TFDP2: variants seen among roughly 807,000 people sequenced by gnomAD.
TFDP2 encodes the protein transcription factor Dp-2.
In TFDP2, 17 loss-of-function variants were observed where a neutral mutation model predicts 59.3. The ratio of observed to expected loss-of-function variants is 0.29; its 90% CI spans 0.20 to 0.43. TFDP2 has a LOEUF of 0.43. Ranked by LOEUF, TFDP2 falls within the 20% of genes least tolerant of loss-of-function variation. The pLI, the probability that TFDP2 is intolerant of heterozygous loss-of-function variation, is 1.00. For missense variants in TFDP2, 391 were observed against 528.8 expected, an observed-to-expected ratio of 0.74 and a Z score of 2.56; for synonymous variants, 180 against 194.7, an observed-to-expected ratio of 0.92 and a Z score of 0.63.
intron 3 of TFDP2, among the ~76,000 whole-genome samples, chr3:142,082,238 G>A (rs781050665): frequency 1.8e-4 from 27 of 152,076 alleles, no homozygotes; most frequent in South Asian, 1.2e-3. Context: ...ACTGACTCCC[G>A]TCACCCCAAG....
chr3:142,057,048 T>C (rs1200640517), intron 3 of TFDP2, among the ~76,000 whole-genome samples: 4 of 152,222 alleles, frequency 2.6e-5, no homozygotes, highest in Admixed American at 1.3e-4. Context: ...CTGTGTTTCT[T>C]ATGAACAGGC....
chr3:141,986,319 A>T (rs1305325177), intron 6 of TFDP2, among the ~76,000 whole-genome samples: 1 of 152,232 alleles, frequency 6.6e-6, no homozygotes, highest in African/African-American at 2.4e-5. Flanking sequence ...AAAGTACGCA[A>T]ACCAACTGTG....
intron 1 of TFDP2, among the ~76,000 whole-genome samples, chr3:142,122,164 C>T (rs546666624): frequency 6.6e-6 from 1 of 152,162 alleles, no homozygotes; most frequent in Non-Finnish European, 1.5e-5. Context: ...ACCAGAGTAT[C>T]TTAAACTCAA....
chr3:142,142,235 G>A (rs978108326), intron 1 of TFDP2, among the ~76,000 whole-genome samples: 9 of 152,100 alleles, frequency 5.9e-5, no homozygotes, highest in Admixed American at 3.3e-4. Context: ...ATTAATAGAA[G>A]TGATAAACAA....
At chr3:142,112,506 A>G (rs2061696185) in intron 1 of TFDP2, among the ~76,000 whole-genome samples, 1 of 152,226 alleles carries the variant, frequency 6.6e-6, no homozygotes, top group Admixed American at 6.5e-5. Flanking sequence ...GCTAGGAGCC[A>G]ATTATACTTA....
chr3:142,081,575 C>G lies in TFDP2; in HGVS notation c.82+11486G>C, dbSNP rs114012385. ...TGGTTTTCTGAAAAGATAATATTGA[C>G]AAACCTTTAGTCAGACTAAGAAAAA... On this transcript the variant is annotated intron_variant, in intron 3 of 12. Coordinates refer to ENST00000489671, the MANE Select transcript of TFDP2 (RefSeq NM_001178139.2). Among the ~76,000 whole-genome samples, 579 of 152,058 alleles carry G rather than the reference C, an allele frequency of 3.8e-3. 3 individuals are homozygous for G. Among genetic ancestry groups the G allele is most frequent in the African/African-American group, 0.013 (547 of 41,514 alleles).
intron 1 of TFDP2, among the ~76,000 whole-genome samples, chr3:142,137,316 A>G (rs6798162): frequency 0.5 from 75,769 of 152,000 alleles, 21,001 homozygotes; most frequent in African/African-American, 0.75. Context: ...GTACAATCAT[A>G]TCATCTGCAA....
At chr3:141,990,972 C>CT (rs1221229329) in intron 6 of TFDP2, among the ~76,000 whole-genome samples, 3 of 152,122 alleles carry the variant, frequency 2.0e-5, no homozygotes, top group African/African-American at 7.2e-5. Flanking sequence ...GCAGGAGAAT[C>CT]ACTTGAGCCC....
intron 3 of TFDP2, among the ~76,000 whole-genome samples, chr3:142,045,912 T>G (rs1947327131): frequency 6.6e-6 from 1 of 152,132 alleles, no homozygotes; most frequent in Admixed American, 6.5e-5. Context: ...CGTGAGCCAC[T>G]GTGCCTGGCC....
chr3:141,997,379 A>G (rs2108213539), intron 4 of TFDP2, among the ~76,000 whole-genome samples: 1 of 152,338 alleles, frequency 6.6e-6, no homozygotes, highest in African/African-American at 2.4e-5. Context: ...CTTATAAAGA[A>G]AAATGTGAGT....
chr3:142,142,377 A>G (rs1434453237), intron 1 of TFDP2, among the ~76,000 whole-genome samples: 1 of 152,252 alleles, frequency 6.6e-6, no homozygotes, highest in Non-Finnish European at 1.5e-5. Context: ...AAAATTGAAT[A>G]ACTAGGTAAT....
At chr3:142,007,140 C>G (rs1299548591) in intron 3 of TFDP2, among the ~76,000 whole-genome samples, 1 of 152,188 alleles carries the variant, frequency 6.6e-6, no homozygotes, top group East Asian at 1.9e-4. Context: ...CATCAATTAT[C>G]TACTCTGTCT....
intron 2 of TFDP2, chr3:142,093,906 C>T: frequency 2.0e-6 from 1 of 490,736 alleles, no homozygotes; most frequent in East Asian, 5.9e-5. Context: ...TCATGTAAAG[C>T]ATATAGCACA....
At chr3:142,106,681 A>G (rs1256635612) in intron 1 of TFDP2, among the ~76,000 whole-genome samples, 1 of 152,174 alleles carries the variant, frequency 6.6e-6, no homozygotes, top group Non-Finnish European at 1.5e-5. Context: ...CTGTTAGTTA[A>G]AAAAATAAGT....
At chr3:142,137,755 T>A (rs1449823634) in intron 1 of TFDP2, among the ~76,000 whole-genome samples, 1 of 152,204 alleles carries the variant, frequency 6.6e-6, no homozygotes, top group Admixed American at 6.5e-5. Flanking sequence ...GATAAGCTTT[T>A]TCATGTGCTG....
chr3:141,970,865 C>G (rs141806483), intron 8 of TFDP2, among the ~76,000 whole-genome samples: 2,354 of 151,938 alleles, frequency 0.015, 27 homozygotes, highest in Non-Finnish European at 0.023. Context: ...AGTTTGAGAC[C>G]AGTCTGGCCA....
At chr3:142,096,916 T>A (rs1379615798) in intron 2 of TFDP2, among the ~76,000 whole-genome samples, 1 of 152,234 alleles carries the variant, frequency 6.6e-6, no homozygotes, top group Non-Finnish European at 1.5e-5. Flanking sequence ...AATTTATCTG[T>A]TAATTTGGCA....
chr3:141,963,636 T>C (rs11569262), intron 10 of TFDP2, among the ~76,000 whole-genome samples, 176 bp downstream of exon 10: 11,333 of 152,056 alleles, frequency 0.075, 524 homozygotes, highest in Non-Finnish European at 0.11. Flanking sequence ...AGGGTGAGGG[T>C]TGGAGCGCAC....
At chr3:142,138,354 T>C (rs2062813925) in intron 1 of TFDP2, among the ~76,000 whole-genome samples, 1 of 152,204 alleles carries the variant, frequency 6.6e-6, no homozygotes, top group Non-Finnish European at 1.5e-5. Context: ...GAAGAGTTTT[T>C]TGTGTCTCTA....
Sources: gnomAD v4.1 joint callset for allele counts (sites outside exome capture counted in the v4.1 genomes callset) on GRCh38, gnomAD v4.1.1 for gene constraint, MANE v1.5 for transcripts, NCBI Gene and HGNC (gene_info 2026-07-23, HGNC 2026-07-21) for gene names.